CD101: variants seen among roughly 807,000 people sequenced by gnomAD.
CD101 encodes CD101 molecule, also known as immunoglobulin superfamily member 2.
In CD101, 76 loss-of-function variants were observed where a neutral mutation model predicts 98.2. That is an observed-to-expected ratio of 0.77 (90% CI 0.64 to 0.94). The LOEUF (loss-of-function observed/expected upper bound fraction) is 0.94, where lower values mean the gene tolerates loss of function less well. Ranked by LOEUF, CD101 falls within the 40% of genes least tolerant of loss-of-function variation. CD101 has a pLI of 0.00. For missense variants in CD101, 1,145 were observed against 1,218.8 expected, an observed-to-expected ratio of 0.94 and a Z score of 0.90; for synonymous variants, 471 against 472.7, an observed-to-expected ratio of 1.00 and a Z score of 0.05.
chr1:117,001,959 C>G (rs747510969), intron 1 of CD101, 99 bp downstream of exon 1: 9 of 1,092,324 alleles, frequency 8.2e-6, no homozygotes, highest in Non-Finnish European at 1.2e-5. Context: ...ACAGGAACAA[C>G]TATGCCATAT....
intron 9 of CD101, among the ~76,000 whole-genome samples, chr1:117,035,332 C>T (rs549896981): frequency 6.6e-6 from 1 of 152,260 alleles, no homozygotes; most frequent in Non-Finnish European, 1.5e-5. Flanking sequence ...TTTGATCAGG[C>T]ACACACGTCC....
At position 117,033,748 on chromosome 1, in the gene CD101, C is replaced by G; in HGVS notation, c.2825-112C>G. On this transcript the variant is annotated intron_variant, in intron 8 of 9. Transcript: ENST00000682167. The surrounding 1 kb of genome is among the most constrained non-coding windows in gnomAD (Gnocchi z 4.8). ...TTCAGGGGCCCACTGCTATTTGGCCCCATTATTTTTACATATACTTGCCTA... is the reference window on the plus strand; with the variant it reads ...TTCAGGGGCCCACTGCTATTTGGCCGCATTATTTTTACATATACTTGCCTA... 7.0e-7 allele frequency: 1 copy of G among 1,432,180 alleles called. No individual in the cohort carries two copies. The highest frequency in any genetic ancestry group is 2.0e-4 in the Middle Eastern group (1 of 5,112). The allele number at this position is 1,432,180 out of a possible 1,614,324, so 88.7% of individuals were successfully genotyped here.
intron 8 of CD101, among the ~76,000 whole-genome samples, chr1:117,028,401 G>A (rs1194767907): frequency 2.6e-5 from 4 of 152,142 alleles, no homozygotes; most frequent in Non-Finnish European, 5.9e-5. Context: ...ATATGAGAGG[G>A]ATTTGGAGGG....
chr1:117,001,986 A>G, intron 1 of CD101, 126 bp downstream of exon 1: 1 of 873,406 alleles, frequency 1.1e-6, no homozygotes, highest in Non-Finnish European at 1.8e-6. Context: ...GATGTTAGCA[A>G]TAATTTTTGA....
At chr1:117,016,969 A>T in intron 4 of CD101, 121 bp from the exon 5 acceptor site, 7 of 1,092,970 alleles carry the variant, frequency 6.4e-6, no homozygotes, top group Non-Finnish European at 9.1e-6. Flanking sequence ...TGCAAGAGGA[A>T]ACAGCCCAAT....
At position 117,025,868 on chromosome 1, in the gene CD101, G is replaced by A. The variant is rs772602728; in HGVS notation, c.2788G>A (p.Glu930Lys). Reference sequence around the variant, plus strand: ...CAAGTGGATTAATCAAGCATCCGATGAGTCACAGCGGATGGTGCTCACGGT... The same window carrying A: ...CAAGTGGATTAATCAAGCATCCGATAAGTCACAGCGGATGGTGCTCACGGT... Reference protein sequence around the residue: ...PSKWINQASDESQRMVLTVLP... With the variant: ...PSKWINQASDKSQRMVLTVLP... Residue 930 changes from glutamate (E) to lysine (K), a missense_variant, in exon 8 of 10, where the codon GAG (glutamate) becomes AAG (lysine). Physicochemically the swap from Glu to Lys is moderately conservative, Grantham distance 56. Coordinates refer to ENST00000682167, the MANE Select transcript of CD101 (RefSeq NM_001256106.3). The A allele has an allele frequency of 5.6e-6, 9 of 1,613,634 alleles. No homozygotes were observed. Among genetic ancestry groups the A allele is most frequent in the Non-Finnish European group, 7.6e-6 (9 of 1,179,590 alleles).
At position 117,001,779 on chromosome 1, in the gene CD101, G is replaced by A; in HGVS notation, c.-39G>A. The stretch of plus-strand genomic sequence containing the variant: ...TTTGTCACTCAACCTCTGAATGTTA[G>A]TGACACTATTGGGACGAAAAAGGAC... On this transcript the variant is annotated 5_prime_UTR_variant, in exon 1 of 10. The change creates a new upstream start codon in the 5' untranslated region. Coordinates refer to ENST00000682167, the MANE Select transcript of CD101 (RefSeq NM_001256106.3). 6.2e-7 allele frequency: 1 copy of A among 1,602,074 alleles called. No individual in the cohort carries two copies. Among genetic ancestry groups the A allele is most frequent in the Non-Finnish European group, 8.5e-7 (1 of 1,169,610 alleles).
At position 117,019,791 on chromosome 1, in the gene CD101, C is replaced by G. The variant is rs769859047; in HGVS notation, c.2017+1231C>G. 2.0e-5 allele frequency among the ~76,000 whole-genome samples: 3 copies of G among 152,164 alleles called. No individual in the cohort carries two copies. The highest frequency in any genetic ancestry group is 4.4e-5 in the Non-Finnish European group (3 of 68,034). ...ATAAACCCACCATTATCATCCAAAG[C>G]TCTTTCTTCTGCATTGCCCCTTATG... On this transcript the variant is annotated intron_variant, in intron 6 of 9. Coordinates refer to ENST00000682167, the MANE Select transcript of CD101 (RefSeq NM_001256106.3). The surrounding 1 kb of genome is among the most constrained non-coding windows in gnomAD (Gnocchi z 4.3).
intron 8 of CD101, among the ~76,000 whole-genome samples, chr1:117,029,756 C>A (rs140477480): frequency 0.01 from 1,594 of 152,320 alleles, 11 homozygotes; most frequent in Middle Eastern, 0.031. Context: ...GTTTTCCATG[C>A]TCTCTATCTG....
Position 117,017,289 on chromosome 1 carries a change from G to T in CD101, c.1428G>T (p.Gly476=). 1 of 1,614,210 alleles carries T rather than the reference G, an allele frequency of 6.2e-7. No homozygotes were observed. The highest frequency in any genetic ancestry group is 1.1e-5 in the South Asian group (1 of 91,086). Residue 476 remains glycine (G), a synonymous_variant, in exon 5 of 10, where the codon GGG becomes GGT. Transcript: ENST00000682167. ...TTGTGCAGCTGGGTGCCTCCTATGG[G>T]GTACCCAGTTACCATGGCAACACAA... ...DGIVQLGASY[G]VPSYHGNTRL...
At position 117,036,128 on chromosome 1, in the gene CD101, C is replaced by T. The variant is rs2296449; in HGVS notation, c.*34-40C>T. On this transcript the variant is annotated intron_variant, in intron 9 of 9. Coordinates refer to ENST00000682167, the MANE Select transcript of CD101 (RefSeq NM_001256106.3). The surrounding 1 kb of genome is among the most constrained non-coding windows in gnomAD (Gnocchi z 5.0). ...AGACAGGGAGGGTCTCCTGGGAAAGCAGACATTTAACCAACTTGAGCAATC... is the reference window on the plus strand; with the variant it reads ...AGACAGGGAGGGTCTCCTGGGAAAGTAGACATTTAACCAACTTGAGCAATC... The T allele has an allele frequency of 0.064, 9,724 of 152,314 alleles. 419 individuals are homozygous for T. The highest frequency in any genetic ancestry group is 0.12 in the East Asian group (647 of 5,178). 9.4% of individuals were successfully genotyped at this position (152,314 alleles called of 1,614,324 possible). A position where few individuals can be genotyped will look rare whatever the true frequency, so the allele number is the denominator to read the frequency against.
chr1:117,020,465 G>A (rs1392051159), intron 6 of CD101, among the ~76,000 whole-genome samples: 1 of 152,152 alleles, frequency 6.6e-6, no homozygotes, highest in Non-Finnish European at 1.5e-5. Context: ...GATCGCTTGA[G>A]CACAGGAAGT....
intron 5 of CD101, 59 bp downstream of exon 5, chr1:117,017,532 G>A: frequency 6.5e-7 from 1 of 1,527,602 alleles, no homozygotes; most frequent in Non-Finnish European, 8.9e-7. Context: ...ATTCTGCAGT[G>A]GAACTGGATT....
rs1248734573 is a variant in CD101 at position 117,033,580 on chromosome 1, T to C, written c.2825-280T>C. ...AAAGGAGAGGTTTTCTTTTTTGTTT[T>C]GTTTTTCATTTTGGCTGTTAGTTTT... is the stretch of plus-strand genomic sequence containing the variant. On this transcript the variant is annotated intron_variant, in intron 8 of 9. Coordinates refer to ENST00000682167, the MANE Select transcript of CD101 (RefSeq NM_001256106.3). The surrounding 1 kb of genome is among the most constrained non-coding windows in gnomAD (Gnocchi z 4.8). 2.0e-5 allele frequency among the ~76,000 whole-genome samples: 3 copies of C among 152,192 alleles called. No individual in the cohort carries two copies. The highest frequency in any genetic ancestry group is 7.2e-5 in the African/African-American group (3 of 41,432).
intron 3 of CD101, among the ~76,000 whole-genome samples, chr1:117,013,091 A>G (rs1166892309): frequency 6.6e-6 from 1 of 152,072 alleles, no homozygotes; most frequent in Non-Finnish European, 1.5e-5. Context: ...TTAATTCAGT[A>G]TACAATATTT....
At position 117,013,812 on chromosome 1, in the gene CD101, GGCAT is replaced by G; in HGVS notation, c.1228+25_1228+28del. 3.1e-6 allele frequency: 5 copies of G among 1,592,318 alleles called. No homozygotes were observed. The highest frequency in any genetic ancestry group is 4.3e-6 in the Non-Finnish European group (5 of 1,169,330). On this transcript the variant is annotated intron_variant, in intron 4 of 9. Transcript: ENST00000682167. ...CAGCAGGTACGTAAAGTCAAGGCCA[GGCAT>G]GCATTGGGCTGCTTTCAGATGCCCC...
At chr1:117,002,405 C>T (rs1218580740) in intron 1 of CD101, among the ~76,000 whole-genome samples, 1 of 152,126 alleles carries the variant, frequency 6.6e-6, no homozygotes, top group African/African-American at 2.4e-5. Context: ...TCACTTGGCT[C>T]TACTGAGGGC....
At position 117,034,063 on chromosome 1, in the gene CD101, A is replaced by G; in HGVS notation, c.3028A>G (p.Asn1010Asp). The change falls in exon 9 of 10, where the codon AAT becomes GAT. Residue 1010 changes from asparagine (N) to aspartate (D), a missense_variant. Asn to Asp is a conservative substitution (Grantham distance 23, BLOSUM62 1). Coordinates refer to ENST00000682167, the MANE Select transcript of CD101 (RefSeq NM_001256106.3). ...DLKEAGGVTT[N>D]RREDEEEDEG... is the part of the protein sequence containing the mutation. ...GAAAGAGGCTGGAGGTGTGACCACAAATAGGAGGGAAGACGAGGAGGAAGA... is the reference window on the plus strand; with the variant it reads ...GAAAGAGGCTGGAGGTGTGACCACAGATAGGAGGGAAGACGAGGAGGAAGA... 1 of 1,614,164 alleles carries G rather than the reference A, an allele frequency of 6.2e-7. No homozygotes were observed. The highest frequency in any genetic ancestry group is 8.5e-7 in the Non-Finnish European group (1 of 1,180,028).
chr1:117,029,010 T>C (rs1355004579), intron 8 of CD101, among the ~76,000 whole-genome samples: 1 of 151,142 alleles, frequency 6.6e-6, no homozygotes, highest in Non-Finnish European at 1.5e-5. Flanking sequence ...TTGAGCACAT[T>C]TATGTTTTAG....
Sources: allele counts gnomAD v4.1 joint callset (sites outside exome capture counted in the v4.1 genomes callset), GRCh38; gene constraint gnomAD v4.1.1; non-coding constraint Gnocchi (gnomAD v3.1); transcripts MANE v1.5; gene names NCBI Gene and HGNC (gene_info 2026-07-23, HGNC 2026-07-21).